The following NSUN3 variants were observed in gnomAD, a reference collection of about 807,000 sequenced individuals.
NSUN3 encodes NOP2/Sun RNA methyltransferase 3, also known as tRNA (cytosine(34)-C(5))-methyltransferase, mitochondrial.
A neutral mutation model predicts 36.8 loss-of-function variants in NSUN3; 24 were observed. That is an observed-to-expected ratio of 0.65 (90% CI 0.47 to 0.92). The LOEUF (loss-of-function observed/expected upper bound fraction) is 0.92, where lower values mean the gene tolerates loss of function less well. Ranked by LOEUF, NSUN3 falls within the 40% of genes least tolerant of loss-of-function variation. The pLI, the probability that NSUN3 is intolerant of heterozygous loss-of-function variation, is 0.00. For synonymous variants in NSUN3, 146 were observed against 145.2 expected (o/e 1.01, Z -0.04); for missense variants, 381 against 392.8 (o/e 0.97, Z 0.25).
intron 5 of NSUN3, among the ~76,000 whole-genome samples, chr3:94,114,306 C>T (rs972507266): frequency 1.4e-4 from 21 of 152,250 alleles, no homozygotes; most frequent in South Asian, 2.1e-4. Context: ...TGGCAGTCTT[C>T]GTGCTGCTTT....
chr3:94,110,014 T>C (rs553648603), intron 5 of NSUN3, among the ~76,000 whole-genome samples: 34 of 152,330 alleles, frequency 2.2e-4, no homozygotes, highest in Non-Finnish European at 3.4e-4. Context: ...CTGGAATTTT[T>C]CTCTCAGCAT....
chr3:94,091,960 A>G (rs2077316785), intron 3 of NSUN3, among the ~76,000 whole-genome samples: 1 of 152,208 alleles, frequency 6.6e-6, no homozygotes. Context: ...GGCTCATGCC[A>G]TTCATGCAGT....
intron 5 of NSUN3, among the ~76,000 whole-genome samples, chr3:94,122,935 A>G (rs1192559491): frequency 6.6e-6 from 1 of 152,210 alleles, no homozygotes; most frequent in Non-Finnish European, 1.5e-5. Flanking sequence ...GTTTAATTCT[A>G]TAAATATTGT....
intron 3 of NSUN3, among the ~76,000 whole-genome samples, chr3:94,090,750 G>C (rs1165126173): frequency 6.6e-6 from 1 of 152,138 alleles, no homozygotes; most frequent in Non-Finnish European, 1.5e-5. Context: ...TGGGAACCTT[G>C]AAGGTAAATT....
intron 3 of NSUN3, chr3:94,084,781 G>C (rs2077285150): frequency 5.4e-6 from 1 of 185,238 alleles, no homozygotes; most frequent in African/African-American, 2.4e-5. Context: ...AGATATCCCT[G>C]TCATACTTTT....
At chr3:94,106,345 A>G (rs1456549988) in intron 5 of NSUN3, among the ~76,000 whole-genome samples, 2 of 152,202 alleles carry the variant, frequency 1.3e-5, no homozygotes, top group African/African-American at 4.8e-5. Context: ...GCCGCTGGGT[A>G]TGGTATCTCT....
intron 5 of NSUN3, among the ~76,000 whole-genome samples, chr3:94,112,965 T>C (rs1576099439): frequency 6.6e-6 from 1 of 152,042 alleles, no homozygotes; most frequent in Admixed American, 6.6e-5. Context: ...CCCGGGTTCA[T>C]GCCATTCTCC....
intron 2 of NSUN3, among the ~76,000 whole-genome samples, chr3:94,070,252 A>G (rs531847135): frequency 2.6e-5 from 4 of 152,252 alleles, no homozygotes; most frequent in South Asian, 4.2e-4. Context: ...GCTTGAGGAC[A>G]AGAGTTCAAG....
At chr3:94,076,721 A>T in intron 2 of NSUN3, 1 of 1,360,710 alleles carries the variant, frequency 7.3e-7, no homozygotes, top group South Asian at 1.2e-5. Context: ...ATAGTCCAAG[A>T]TAAGAACATC....
At chr3:94,087,832 C>A (rs541490595) in intron 3 of NSUN3, among the ~76,000 whole-genome samples, 2 of 152,166 alleles carry the variant, frequency 1.3e-5, no homozygotes, top group East Asian at 3.9e-4. Context: ...CCAAACCTGG[C>A]TAATTTTTGT....
intron 5 of NSUN3, among the ~76,000 whole-genome samples, chr3:94,096,864 A>G (rs2077343468): frequency 6.6e-6 from 1 of 152,174 alleles, no homozygotes; most frequent in Non-Finnish European, 1.5e-5. Flanking sequence ...CCTGTAACAG[A>G]TACCAAATCT....
chr3:94,126,469 A>G lies in NSUN3; in HGVS notation c.1002A>G (p.Ser334=), dbSNP rs773554771. 15 of 1,608,986 alleles carry G rather than the reference A, an allele frequency of 9.3e-6. No homozygotes were observed. In the South Asian group the frequency reaches 1.5e-4, roughly 17 times the overall value. ...TGTATGTAGCCAAATTGAAGAAATC[A>G]TGGAGCACAGGAAAATGGTGACATG... ...GPMYVAKLKK[S]WSTGKW is the part of the protein sequence containing the mutation. The change falls in exon 6 of 6, where the codon TCA becomes TCG. Residue 334 remains serine (S), a synonymous_variant. Coordinates refer to ENST00000314622, the MANE Select transcript of NSUN3 (RefSeq NM_022072.5).
At chr3:94,096,390 C>A (rs548888424) in intron 5 of NSUN3, among the ~76,000 whole-genome samples, 1 of 152,260 alleles carries the variant, frequency 6.6e-6, no homozygotes, top group East Asian at 1.9e-4. Flanking sequence ...TTTATACCAC[C>A]GTTCCCTTTT....
Position 94,084,393 on chromosome 3 carries a change from G to A in NSUN3, c.409G>A (p.Asp137Asn). The change falls in exon 3 of 6, where the codon GAT becomes AAT. Residue 137 changes from aspartate (D) to asparagine (N), a missense_variant. Asp to Asn is a conservative substitution (Grantham distance 23). Coordinates refer to ENST00000314622, the MANE Select transcript of NSUN3 (RefSeq NM_022072.5). ...ATTAAGGGATGGGGAGAAGGTTCTG[G>A]ATCTCTGTGCTGCTCCTGGAGGGAA... ...LELRDGEKVL[D>N]LCAAPGGKSI... 6.2e-7 allele frequency: 1 copy of A among 1,614,132 alleles called. No individual in the cohort carries two copies. Among genetic ancestry groups the A allele is most frequent in the African/African-American group, 1.3e-5 (1 of 75,042 alleles).
rs183201376 is a variant in NSUN3 at position 94,118,688 on chromosome 3, C to T, written c.744-7523C>T. ...GGCTGGCTGTTTAGTTTTCCTTCCT[C>T]TTATTTAAAAAAAAAAATAATAAAT... On this transcript the variant is annotated intron_variant, in intron 5 of 5. Coordinates refer to ENST00000314622, the MANE Select transcript of NSUN3 (RefSeq NM_022072.5). Among the ~76,000 whole-genome samples, 218 of 151,594 alleles carry T rather than the reference C, an allele frequency of 1.4e-3. 1 individual carries two copies. Among genetic ancestry groups the T allele is most frequent in the Non-Finnish European group, 3.4e-4 (23 of 67,896 alleles).
intron 3 of NSUN3, among the ~76,000 whole-genome samples, chr3:94,093,062 G>A (rs1424758941): frequency 2.0e-5 from 3 of 151,848 alleles, no homozygotes; most frequent in East Asian, 1.9e-4. Flanking sequence ...AGTCCATCAA[G>A]TTTGGTAGAG....
chr3:94,069,273 A>G (rs1404860533), intron 2 of NSUN3, among the ~76,000 whole-genome samples: 1 of 152,236 alleles, frequency 6.6e-6, no homozygotes. Flanking sequence ...AGGAAGATCC[A>G]TTGCCAAAAT....
At chr3:94,100,293 G>T (rs1193504991) in intron 5 of NSUN3, among the ~76,000 whole-genome samples, 1 of 152,204 alleles carries the variant, frequency 6.6e-6, no homozygotes. Context: ...AACTTACACA[G>T]CCTTTAAAAG....
chr3:94,067,294 ATTG>A (rs2077208031), intron 2 of NSUN3, among the ~76,000 whole-genome samples: 1 of 152,324 alleles, frequency 6.6e-6, no homozygotes, highest in Non-Finnish European at 1.5e-5. Context: ...CATGCTTTGA[ATTG>A]TTGTGAATTC....
Sources: gnomAD v4.1 joint callset for allele counts (sites outside exome capture counted in the v4.1 genomes callset) on GRCh38, gnomAD v4.1.1 for gene constraint, MANE v1.5 for transcripts, NCBI Gene and HGNC (gene_info 2026-07-23, HGNC 2026-07-21) for gene names.